The following CHD8 variants were observed in gnomAD, a reference collection of about 807,000 sequenced individuals.
CHD8 encodes the protein chromodomain helicase DNA binding protein 8.
A neutral mutation model predicts 279.2 loss-of-function variants in CHD8; 31 were observed. The observed-to-expected ratio is 0.11, with a 90% CI of 0.08 to 0.15. The LOEUF (loss-of-function observed/expected upper bound fraction) is 0.15. Among genes scored for constraint, CHD8 ranks in the 10% least tolerant of loss-of-function variants. The pLI is 1.00. For missense variants in CHD8, 2,146 were observed against 3,230.5 expected, an observed-to-expected ratio of 0.66 and a Z score of 8.14; for synonymous variants, 1,081 against 1,139.6, an observed-to-expected ratio of 0.95 and a Z score of 1.04.
rs1173224518 is a variant in CHD8, at chr14:21,393,685, G to A, written c.6110C>T (p.Thr2037Ile). ...TACTCGCATCTCATAGTCTTGTGGG[G>A]TTGGTCGGCTCCTGGCCACCACCTC... The part of the protein sequence containing the change: ...EHEVVARSRP[T>I]PQDYEMRVSP... The change falls in exon 32 of 38, where the codon ACC becomes ATC. Residue 2037 changes from threonine (T) to isoleucine (I), a missense_variant. Physicochemically the swap from Thr to Ile is moderately conservative, Grantham distance 89. Transcript: ENST00000646647. The A allele has an allele frequency of 1.9e-6, 3 of 1,613,898 alleles. No homozygotes were observed. The highest frequency in any genetic ancestry group is 2.2e-5 in the East Asian group (1 of 44,890).
chr14:21,387,312 T>C (rs1245626881), intron 37 of CHD8, among the ~76,000 whole-genome samples: 1 of 147,556 alleles, frequency 6.8e-6, no homozygotes, highest in East Asian at 2.0e-4. Context: ...ATAGCGAAAC[T>C]CTGTCCCTAC....
At chr14:21,434,170 C>T (rs140542788) in intron 1 of CHD8, among the ~76,000 whole-genome samples, 1,788 of 151,914 alleles carry the variant, frequency 0.012, 126 homozygotes, top group Admixed American at 0.11. Flanking sequence ...CTCAGCCTCC[C>T]GAATAGCTGG....
chr14:21,386,214 A>G (rs981998324), intron 37 of CHD8, 38 bp from the exon 38 acceptor site: 2 of 1,514,210 alleles, frequency 1.3e-6, no homozygotes, highest in African/African-American at 1.4e-5. Flanking sequence ...AAAGAAAGAA[A>G]GGGGAAAAAA....
rs1037466443 is a variant in CHD8 at position 21,405,469 on chromosome 14, G to A, written c.3052-5C>T. 6.2e-7 allele frequency: 1 copy of A among 1,600,530 alleles called. No homozygotes were observed. The highest frequency in any genetic ancestry group is 1.3e-5 in the African/African-American group (1 of 74,566). On this transcript the variant is annotated splice_region_variant and splice_polypyrimidine_tract_variant and intron_variant, in intron 15 of 37. Coordinates refer to ENST00000646647, the MANE Select transcript of CHD8 (RefSeq NM_001170629.2). This position sits in a 1 kb window ranked among gnomAD's most constrained non-coding sequence, Gnocchi z 4.2. ...AATGGCCTGTAGCTTTTGAACCTGT[G>A]GTCCATTACAGAGAGAAAAATAAAT...
chr14:21,414,955 A>G lies in CHD8; in HGVS notation c.2007T>C (p.Phe669=). ...TCACGTACTAGTTCTTGTACTTGAC[A>G]AAGAATTCTTCTGCTTCAGTATATT... is the stretch of plus-strand genomic sequence containing the variant. ...SGQYTEAEEF[F]VKYKNYSYLH... is the part of the protein sequence containing the mutation. The change falls in exon 8 of 38, where the codon TTT becomes TTC. Residue 669 remains phenylalanine (F), a synonymous_variant. Transcript: ENST00000646647. The G allele has an allele frequency of 1.2e-6, 2 of 1,602,212 alleles. No homozygotes were observed. Among genetic ancestry groups the G allele is most frequent in the Non-Finnish European group, 8.5e-7 (1 of 1,173,434 alleles).
chr14:21,407,781 A>G (rs1352163020), intron 13 of CHD8, among the ~76,000 whole-genome samples: 1 of 151,868 alleles, frequency 6.6e-6, no homozygotes, highest in African/African-American at 2.4e-5. Flanking sequence ...GCTAATTTTT[A>G]TATCTTTAGT....
intron 5 of CHD8, 130 bp from the exon 6 acceptor site, chr14:21,416,037 A>G (rs1594360160): frequency 4.1e-6 from 3 of 738,092 alleles, no homozygotes; most frequent in Non-Finnish European, 4.6e-6. Context: ...CCAAAAGATG[A>G]TAAGGAGATT....
At position 21,405,619 on chromosome 14, in the gene CHD8, G is replaced by A; in HGVS notation, c.3051+102C>T. On this transcript the variant is annotated intron_variant, in intron 15 of 37. Coordinates refer to ENST00000646647, the MANE Select transcript of CHD8 (RefSeq NM_001170629.2). The surrounding 1 kb of genome is among the most constrained non-coding windows in gnomAD (Gnocchi z 4.2). ...TGATGTAGGCACAAGGTTATAAGGAGTTCAGAAAGGCCCTTGAGATACCCA... is the reference window on the plus strand; with the variant it reads ...TGATGTAGGCACAAGGTTATAAGGAATTCAGAAAGGCCCTTGAGATACCCA... The A allele has an allele frequency of 6.8e-7, 1 of 1,474,378 alleles. No homozygotes were observed. The highest frequency in any genetic ancestry group is 1.3e-5 in the South Asian group (1 of 77,410). The allele number at this position is 1,474,378 out of a possible 1,614,324, so 91.3% of individuals were successfully genotyped here. A position where few individuals can be genotyped will look rare whatever the true frequency, so the allele number is the denominator to read the frequency against.
intron 3 of CHD8, 124 bp from the exon 4 acceptor site, chr14:21,428,378 AAATCTT>A: frequency 1.2e-6 from 1 of 860,070 alleles, no homozygotes; most frequent in South Asian, 1.8e-5. Flanking sequence ...AGCTCAGACT[AAATCTT>A]ATTGAACCTA....
chr14:21,418,240 G>A (rs1054197827), intron 5 of CHD8, among the ~76,000 whole-genome samples: 2 of 152,072 alleles, frequency 1.3e-5, no homozygotes, highest in East Asian at 1.9e-4. Context: ...GTTCAAAGCC[G>A]GGCACGGTGG....
intron 5 of CHD8, 138 bp from the exon 6 acceptor site, chr14:21,416,045 A>T: frequency 1.4e-6 from 1 of 710,040 alleles, no homozygotes; most frequent in Middle Eastern, 3.2e-4. Flanking sequence ...TGATAAGGAG[A>T]TTATCTGTCA....
chr14:21,432,183 A>G (rs1195501095), intron 1 of CHD8, among the ~76,000 whole-genome samples: 2 of 152,196 alleles, frequency 1.3e-5, no homozygotes, highest in South Asian at 2.1e-4. Context: ...ATATTCATTT[A>G]CCTTCTATTT....
At chr14:21,398,111 T>C (rs1409650389) in intron 26 of CHD8, 159 bp from the exon 27 acceptor site, 1 of 569,344 alleles carries the variant, frequency 1.8e-6, no homozygotes, top group Admixed American at 3.6e-5. Context: ...TATTACTATA[T>C]TTAACATTTT....
chr14:21,425,934 C>T, intron 5 of CHD8, 194 bp downstream of exon 5: 1 of 552,386 alleles, frequency 1.8e-6, no homozygotes, highest in South Asian at 2.4e-5. Flanking sequence ...AAGACTCTGT[C>T]TCAAGAAGAA....
intron 4 of CHD8, 33 bp downstream of exon 4, chr14:21,427,836 G>A (rs1889393774): frequency 6.2e-7 from 1 of 1,603,372 alleles, no homozygotes; most frequent in African/African-American, 1.3e-5. Context: ...GCTTACTCTT[G>A]CACGTCCCAT....
At chr14:21,396,352 G>A (rs1354874354) in intron 27 of CHD8, among the ~76,000 whole-genome samples, 4 of 151,800 alleles carry the variant, frequency 2.6e-5, no homozygotes, top group East Asian at 1.9e-4. Context: ...TGTAGGCCAG[G>A]CTGGATTCCA....
At chr14:21,454,478 C>T (rs978744422) in intron 1 of CHD8, among the ~76,000 whole-genome samples, 2 of 152,046 alleles carry the variant, frequency 1.3e-5, no homozygotes, top group Non-Finnish European at 2.9e-5. Context: ...TCACCATGCC[C>T]GGCTAATTTT....
rs766074272 is a variant in CHD8 at position 21,409,986 on chromosome 14, G to A, written c.2229C>T (p.Pro743=). Reference sequence around the variant, plus strand: ...ACCATTTCACCAGGTAGTAAATAACGGGCTAGGAGAGAAGAAACCAAAGCC... The same window carrying A: ...ACCATTTCACCAGGTAGTAAATAACAGGCTAGGAGAGAAGAAACCAAAGCC... ...SHSIDKDNGE[P]VIYYLVKWCS... The change falls in exon 11 of 38, where the codon CCC becomes CCT. Residue 743 remains proline (P), a splice_region_variant and synonymous_variant. Transcript: ENST00000646647. The A allele has an allele frequency of 1.6e-5, 26 of 1,606,700 alleles. No homozygotes were observed. Among genetic ancestry groups the A allele is most frequent in the Admixed American group, 5.1e-5 (3 of 58,868 alleles).
At chr14:21,390,241 AAC>A (rs1887466205) in intron 37 of CHD8, among the ~76,000 whole-genome samples, 1 of 152,204 alleles carries the variant, frequency 6.6e-6, no homozygotes, top group Non-Finnish European at 1.5e-5. Context: ...GTCTCAAAAA[AAC>A]AGAAAACTTA....
Sources: gnomAD v4.1 joint callset for allele counts (sites outside exome capture counted in the v4.1 genomes callset) on GRCh38, gnomAD v4.1.1 for gene constraint, Gnocchi (gnomAD v3.1) non-coding constraint, MANE v1.5 for transcripts, NCBI Gene and HGNC (gene_info 2026-07-23, HGNC 2026-07-21) for gene names.